Variants in CEP128 observed in about 807,000 individuals in gnomAD.
CEP128 encodes centrosomal protein 128kDa.
Under a neutral mutation model 156.7 loss-of-function variants are expected in CEP128, and 132 were observed. The ratio of observed to expected loss-of-function variants is 0.84; its 90% CI spans 0.73 to 0.97. CEP128 has a LOEUF of 0.97. Ranked by LOEUF, CEP128 falls within the 50% of genes least tolerant of loss-of-function variation. The pLI, the probability that CEP128 is intolerant of heterozygous loss-of-function variation, is 0.00. For missense variants in CEP128, 1,252 were observed against 1,281.9 expected, an observed-to-expected ratio of 0.98 and a Z score of 0.36; for synonymous variants, 469 against 448.9, an observed-to-expected ratio of 1.04 and a Z score of -0.57.
Position 80,621,440 on chromosome 14 carries a change from T to C in CEP128, c.2807-41017A>G, listed in dbSNP as rs182229645. On this transcript the variant is annotated intron_variant, in intron 19 of 24. Coordinates refer to ENST00000555265, the MANE Select transcript of CEP128 (RefSeq NM_152446.5). ...GACAAAAGCTATATATAACAAAACA[T>C]TGTGTTCTTATATTAATGATAATTG... 2.4e-3 allele frequency among the ~76,000 whole-genome samples: 358 copies of C among 152,286 alleles called. 2 individuals are homozygous for C. Among genetic ancestry groups the C allele is most frequent in the African/African-American group, 7.9e-3 (327 of 41,570 alleles).
chr14:80,483,348 T>C (rs1241377255), intron 14 of CEP128, among the ~76,000 whole-genome samples: 1 of 152,172 alleles, frequency 6.6e-6, no homozygotes, highest in Non-Finnish European at 1.5e-5. Context: ...ATGGATGCAA[T>C]GACAGCACAG....
At chr14:80,695,044 ATG>A (rs1425188739) in intron 19 of CEP128, among the ~76,000 whole-genome samples, 6 of 152,092 alleles carry the variant, frequency 3.9e-5, no homozygotes, top group Non-Finnish European at 8.8e-5. Context: ...GTAATAGCTT[ATG>A]AATGAGAAGG....
chr14:80,562,862 CTA>C (rs1347708466), intron 20 of CEP128, among the ~76,000 whole-genome samples: 2 of 151,614 alleles, frequency 1.3e-5, no homozygotes, highest in Non-Finnish European at 2.9e-5. Context: ...TGGGATCTCA[CTA>C]TGTTACCCAG....
At chr14:80,744,281 G>A (rs921297976) in intron 18 of CEP128, among the ~76,000 whole-genome samples, 11 of 152,090 alleles carry the variant, frequency 7.2e-5, no homozygotes, top group African/African-American at 2.4e-4. Flanking sequence ...ACCTTCCTAA[G>A]TCAGGCTACC....
intron 2 of CEP128, among the ~76,000 whole-genome samples, chr14:80,932,942 G>A (rs985611366): frequency 2.6e-5 from 4 of 152,014 alleles, no homozygotes; most frequent in Admixed American, 2.0e-4. Context: ...GAAGGAAGGC[G>A]CTTCTCTTTC....
intron 19 of CEP128, among the ~76,000 whole-genome samples, chr14:80,586,110 C>CT (rs898644776): frequency 4.4e-4 from 66 of 148,778 alleles, no homozygotes; most frequent in Non-Finnish European, 6.3e-4. Flanking sequence ...CCTAGGGTTG[C>CT]TTTTTTTTTT....
At chr14:80,878,318 C>T (rs1888378240) in intron 8 of CEP128, among the ~76,000 whole-genome samples, 1 of 152,146 alleles carries the variant, frequency 6.6e-6, no homozygotes, top group South Asian at 2.1e-4. Flanking sequence ...ACCCCATCTA[C>T]CTGAAACTAG....
chr14:80,911,270 G>A (rs759658795), intron 4 of CEP128, among the ~76,000 whole-genome samples: 11 of 152,050 alleles, frequency 7.2e-5, no homozygotes, highest in African/African-American at 9.7e-5. Context: ...AGGCCAAGGC[G>A]GAAGGATCAC....
At chr14:80,810,343 A>AAAAAAAAAAAAAAAAAAAC (rs1357322856) in intron 13 of CEP128, among the ~76,000 whole-genome samples, 2 of 148,866 alleles carry the variant, frequency 1.3e-5, no homozygotes, top group East Asian at 1.9e-4. Flanking sequence ...AAAAAAAAAA[A>AAAAAAAAAAAAAAAAAAAC]AAAAAGAATA....
At chr14:80,582,526 G>A (rs998300677) in intron 19 of CEP128, among the ~76,000 whole-genome samples, 13 of 151,992 alleles carry the variant, frequency 8.6e-5, no homozygotes, top group African/African-American at 2.7e-4. Flanking sequence ...CACTCAAGAT[G>A]AAACTTCATA....
rs1381443575 is a variant in CEP128 at position 80,505,014 on chromosome 14, T to G, written c.3079A>C (p.Arg1027=). The G allele has an allele frequency of 1.3e-6, 2 of 1,581,528 alleles. No individual in the cohort carries two copies. Among genetic ancestry groups the G allele is most frequent in the Non-Finnish European group, 1.7e-6 (2 of 1,158,396 alleles). Residue 1027 remains arginine (R), a synonymous_variant, in exon 24 of 25, where the codon AGA becomes CGA. Transcript: ENST00000555265. ...GTGTGGGAACCTTCCAGAAAGGTTCTGTCACCCTAAGGAAAAAAAGGCACA... is the reference window on the plus strand; with the variant it reads ...GTGTGGGAACCTTCCAGAAAGGTTCGGTCACCCTAAGGAAAAAAAGGCACA... ...KYRTKSFKGD[R]TFLEGSHTRG...
chr14:80,858,135 A>G (rs1480204649), intron 9 of CEP128, among the ~76,000 whole-genome samples: 1 of 151,774 alleles, frequency 6.6e-6, no homozygotes, highest in Admixed American at 6.6e-5. Flanking sequence ...ACACTACCTG[A>G]CTTCAAACTA....
chr14:80,616,525 T>TA (rs1566813247), intron 19 of CEP128, among the ~76,000 whole-genome samples: 6 of 90,730 alleles, frequency 6.6e-5, no homozygotes, highest in African/African-American at 2.5e-4. Context: ...CAAATTCAAC[T>TA]GTTTTTTTTG....
At chr14:80,816,812 A>G (rs1884885658) in intron 13 of CEP128, among the ~76,000 whole-genome samples, 1 of 152,166 alleles carries the variant, frequency 6.6e-6, no homozygotes, top group Non-Finnish European at 1.5e-5. Flanking sequence ...ACAGTGGATC[A>G]GCTAACAAAA....
chr14:80,551,934 T>C (rs961670178), intron 21 of CEP128, among the ~76,000 whole-genome samples: 2 of 152,168 alleles, frequency 1.3e-5, no homozygotes, highest in African/African-American at 4.8e-5. Flanking sequence ...ACAAAAATCT[T>C]AAATTACTCC....
intron 19 of CEP128, among the ~76,000 whole-genome samples, chr14:80,741,728 T>C (rs560131353): frequency 2.0e-5 from 3 of 152,274 alleles, no homozygotes; most frequent in Non-Finnish European, 4.4e-5. Flanking sequence ...TTCTACTTAA[T>C]AGGTAAGTTT....
At chr14:80,575,864 T>G (rs1260618562) in intron 20 of CEP128, among the ~76,000 whole-genome samples, 1 of 152,178 alleles carries the variant, frequency 6.6e-6, no homozygotes, top group Non-Finnish European at 1.5e-5. Context: ...AATCATCTAG[T>G]TTTAACTCAT....
chr14:80,742,939 A>C lies in CEP128; in HGVS notation c.2806+136T>G, dbSNP rs190005596. 2.9e-4 allele frequency: 209 copies of C among 715,440 alleles called. 2 individuals carry two copies. In the East Asian group the frequency reaches 5.5e-3, roughly 19 times the overall value. 44.3% of individuals were successfully genotyped at this position (715,440 alleles called of 1,614,324 possible). On this transcript the variant is annotated intron_variant, in intron 19 of 24. Coordinates refer to ENST00000555265, the MANE Select transcript of CEP128 (RefSeq NM_152446.5). ...CGTCCCAGAAATGAAGAAAGATAAG[A>C]AGACAAAGACAAGAAAAGGAGATGG...
At chr14:80,873,441 C>T (rs900715405) in intron 8 of CEP128, among the ~76,000 whole-genome samples, 5 of 152,194 alleles carry the variant, frequency 3.3e-5, no homozygotes, top group Non-Finnish European at 2.9e-5. Context: ...AAAATGATAA[C>T]TGTTTATTAT....
Sources: gnomAD v4.1 joint callset for allele counts (sites outside exome capture counted in the v4.1 genomes callset) on GRCh38, gnomAD v4.1.1 for gene constraint, MANE v1.5 for transcripts, NCBI Gene and HGNC (gene_info 2026-07-23, HGNC 2026-07-21) for gene names.